Variants in KIF25 observed in about 807,000 individuals in gnomAD.
KIF25 encodes the protein kinesin family member 25.
In KIF25, 19 loss-of-function variants were observed where a neutral mutation model predicts 32.9. The ratio of observed to expected loss-of-function variants is 0.58; its 90% CI spans 0.40 to 0.85. The LOEUF (loss-of-function observed/expected upper bound fraction) is 0.85, where lower values mean the gene tolerates loss of function less well. KIF25 is among the 40% of genes least tolerant of loss of function. The pLI is 0.00. For missense variants in KIF25, 485 were observed against 507.0 expected (o/e 0.96, Z 0.42); for synonymous variants, 225 against 213.7 (o/e 1.05, Z -0.46).
intron 8 of KIF25, among the ~76,000 whole-genome samples, 175 bp from the exon 9 acceptor site, chr6:168,038,378 T>C (rs1191084677): frequency 6.6e-6 from 1 of 152,140 alleles, no homozygotes; most frequent in Non-Finnish European, 1.5e-5. Context: ...CCCTACAACC[T>C]AAATGGCACA....
At chr6:168,028,061 C>T (rs117460701) in intron 5 of KIF25, among the ~76,000 whole-genome samples, 4,651 of 152,158 alleles carry the variant, frequency 0.031, 103 homozygotes, top group Non-Finnish European at 0.049. Context: ...CACGCATGGC[C>T]GGGTGGTTTT....
intron 4 of KIF25, among the ~76,000 whole-genome samples, chr6:168,012,298 GT>G (rs1313979462): frequency 2.0e-5 from 3 of 152,106 alleles, no homozygotes; most frequent in African/African-American, 7.2e-5. Flanking sequence ...TATACATCTG[GT>G]GAAAAAATTG....
At chr6:168,041,574 T>C (rs146745635) in intron 10 of KIF25, among the ~76,000 whole-genome samples, 3 of 152,334 alleles carry the variant, frequency 2.0e-5, no homozygotes, top group African/African-American at 7.2e-5. Flanking sequence ...TACAAAGACA[T>C]TTGCATTAAA....
At chr6:168,002,212 TTCAGGCATAGCCTC>T (rs1798516863) in intron 2 of KIF25, among the ~76,000 whole-genome samples, 1 of 97,106 alleles carries the variant, frequency 1.0e-5, no homozygotes, top group Non-Finnish European at 2.1e-5. Context: ...AGAAGACACC[TTCAGGCATAGCCTC>T]GGGCAGGTGA....
intron 4 of KIF25, among the ~76,000 whole-genome samples, chr6:168,007,698 C>A (rs1190338229): frequency 1.3e-5 from 2 of 152,136 alleles, no homozygotes; most frequent in East Asian, 3.9e-4. Context: ...ATCAGGGTTG[C>A]GGTGGTCTGG....
intron 12 of KIF25, among the ~76,000 whole-genome samples, chr6:168,043,620 AC>A (rs1799165279): frequency 1.3e-5 from 2 of 152,222 alleles, no homozygotes; most frequent in Admixed American, 6.5e-5. Context: ...TAAGAGAGAG[AC>A]CACCTGGTAC....
Position 168,042,134 on chromosome 6 carries a change from C to T in KIF25, c.812C>T (p.Ala271Val), listed in dbSNP as rs1272541929. 3.9e-6 allele frequency: 6 copies of T among 1,549,572 alleles called. No homozygotes were observed. Among genetic ancestry groups the T allele is most frequent in the Non-Finnish European group, 1.7e-6 (2 of 1,147,014 alleles). Residue 271 changes from alanine (A) to valine (V), a missense_variant, in exon 11 of 13, where the codon GCC becomes GTC. By Grantham distance (64) the Ala-to-Val change is moderately conservative. Transcript: ENST00000643607. ...VQARLQLVDS[A>V]GSECVGVSGV... Reference sequence around the variant, plus strand: ...GCTCGACTACAGCTCGTGGACTCGGCCGGCAGCGAGTGCGTTGGTGAGCAG... The same window carrying T: ...GCTCGACTACAGCTCGTGGACTCGGTCGGCAGCGAGTGCGTTGGTGAGCAG...
chr6:168,023,994 T>C (rs1411132949), intron 5 of KIF25, among the ~76,000 whole-genome samples: 1 of 150,930 alleles, frequency 6.6e-6, no homozygotes, highest in Non-Finnish European at 1.5e-5. Flanking sequence ...TCCCCTAAAA[T>C]AATCATATTT....
At position 168,041,754 on chromosome 6, in the gene KIF25, A is replaced by G. The variant is rs541032760; in HGVS notation, c.647-215A>G. Among the ~76,000 whole-genome samples the G allele has an allele frequency of 2.6e-5, 4 of 152,294 alleles. No individual in the cohort carries two copies. The East Asian group carries it at 7.7e-4, about 29-fold the overall frequency. ...TCTGGGCCAATTAGGCATTAGTTCA[A>G]CCTTCCACAGTGAAGAAAGCTGCTT... On this transcript the variant is annotated intron_variant, in intron 10 of 12. Coordinates refer to ENST00000643607, the MANE Select transcript of KIF25 (RefSeq NM_030615.4).
chr6:168,029,381 T>G, intron 5 of KIF25, 111 bp from the exon 6 acceptor site: 1 of 721,430 alleles, frequency 1.4e-6, no homozygotes, highest in Non-Finnish European at 2.1e-6. Flanking sequence ...AACTAGACAA[T>G]TAAGGAAATG....
rs535409760 is a variant in KIF25, at chr6:168,000,635, C to T, written c.-370+1315C>T. On this transcript the variant is annotated intron_variant, in intron 2 of 12. Coordinates refer to ENST00000643607, the MANE Select transcript of KIF25 (RefSeq NM_030615.4). ...CCATAAACCTGCCCCTCCCCACTCC[C>T]ATCCTGACCACACCTGGCCCTCCCC... Among the ~76,000 whole-genome samples, 8 of 150,144 alleles carry T rather than the reference C, an allele frequency of 5.3e-5. No individual in the cohort carries two copies. In the East Asian group the frequency reaches 1.2e-3, roughly 22 times the overall value.
At chr6:168,014,616 A>G (rs1256316762) in intron 4 of KIF25, among the ~76,000 whole-genome samples, 4 of 152,198 alleles carry the variant, frequency 2.6e-5, no homozygotes, top group Admixed American at 2.6e-4. Context: ...CCAAAAGTCT[A>G]AAGAGAGTTT....
chr6:168,021,640 T>C lies in KIF25; in HGVS notation c.-95+3600T>C, dbSNP rs775929355. On this transcript the variant is annotated intron_variant, in intron 5 of 12. Transcript: ENST00000643607. ...CCACTATCCATCTTCACAGTGTTTTTTGTCATCCAATCCTGAAACTCCAAA... is the reference window on the plus strand; with the variant it reads ...CCACTATCCATCTTCACAGTGTTTTCTGTCATCCAATCCTGAAACTCCAAA... 2.6e-5 allele frequency among the ~76,000 whole-genome samples: 4 copies of C among 152,256 alleles called. No homozygotes were observed. In the East Asian group the frequency reaches 5.8e-4, roughly 22 times the overall value.
chr6:168,012,885 G>T (rs1230154939), intron 4 of KIF25, among the ~76,000 whole-genome samples: 1 of 152,142 alleles, frequency 6.6e-6, no homozygotes, highest in Non-Finnish European at 1.5e-5. Context: ...AGGTATATCT[G>T]CCAGGGGTGA....
Position 168,026,875 on chromosome 6 carries a change from T to C in KIF25, c.-94-2617T>C, listed in dbSNP as rs3757363. ...TGTAGAACAGGAATTTACAATGTGA[T>C]ATTCCTAACTGACACATTTGTGTGA... On this transcript the variant is annotated intron_variant, in intron 5 of 12. Coordinates refer to ENST00000643607, the MANE Select transcript of KIF25 (RefSeq NM_030615.4). 3.9e-5 allele frequency among the ~76,000 whole-genome samples: 6 copies of C among 152,326 alleles called. No individual in the cohort carries two copies. The East Asian group carries it at 9.6e-4, about 24-fold the overall frequency.
Position 168,038,613 on chromosome 6 carries a change from CAAT to C in KIF25, c.382_384del (p.Asn128del), listed in dbSNP as rs1799065711. On this transcript the variant is annotated inframe_deletion, in exon 9 of 13. Coordinates refer to ENST00000643607, the MANE Select transcript of KIF25 (RefSeq NM_030615.4). ...TTGAAGTCTCCATAGTGGAAGTTTA[CAAT>C]AATGACATTTTTGACCTTCTGGCCA... The C allele has an allele frequency of 6.2e-7, 1 of 1,614,030 alleles. No individual in the cohort carries two copies. The highest frequency in any genetic ancestry group is 8.5e-7 in the Non-Finnish European group (1 of 1,180,032).
chr6:168,006,413 G>T (rs1364349127), intron 4 of KIF25, among the ~76,000 whole-genome samples: 1 of 152,178 alleles, frequency 6.6e-6, no homozygotes, highest in Non-Finnish European at 1.5e-5. Flanking sequence ...ACGATCTGTT[G>T]TCTGGTTTTG....
intron 12 of KIF25, 30 bp downstream of exon 12, chr6:168,042,746 TG>T: frequency 1.9e-6 from 3 of 1,594,438 alleles, no homozygotes; most frequent in Non-Finnish European, 1.7e-6. Flanking sequence ...TGCCCCAGGA[TG>T]GGGGACCACG....
Position 168,038,821 on chromosome 6 carries a change from G to A in KIF25, c.494+92G>A, listed in dbSNP as rs540004907. On this transcript the variant is annotated intron_variant, in intron 9 of 12. Coordinates refer to ENST00000643607, the MANE Select transcript of KIF25 (RefSeq NM_030615.4). ...GTCAGGAGGCTGCACGTCTCTAAAC[G>A]AGCTCCCCACGCCCAAGGATCCCAA... 226 of 1,320,994 alleles carry A rather than the reference G, an allele frequency of 1.7e-4. 1 individual carries two copies. In the South Asian group the frequency reaches 2.4e-3, roughly 14 times the overall value. 81.8% of individuals were successfully genotyped at this position (1,320,994 alleles called of 1,614,324 possible).
Sources: allele counts gnomAD v4.1 joint callset (sites outside exome capture counted in the v4.1 genomes callset), GRCh38; gene constraint gnomAD v4.1.1; transcripts MANE v1.5; gene names NCBI Gene and HGNC (gene_info 2026-07-23, HGNC 2026-07-21).